HEMK2: variants seen among roughly 807,000 people sequenced by gnomAD.
HEMK2 encodes the protein HemK methyltransferase 2, ETF1 glutamine and histone H4 lysine, also known as methyltransferase HEMK2.
At chr21:28,621,675 A>C in the HEMK2 span, among the ~76,000 whole-genome samples, 4 of 152,326 alleles carry the variant, frequency 2.6e-5, no homozygotes, top group Admixed American at 6.5e-5. Context: ...CACAAAGTAC[A>C]TTCTCAAGGG....
At chr21:28,882,069 C>A in the HEMK2 span, 2 of 974,562 alleles carry the variant, frequency 2.1e-6, no homozygotes, top group South Asian at 1.7e-5. Context: ...CTTAGTGGGT[C>A]AAAAGTTAAT....
chr21:28,779,000 G>A, the HEMK2 span, among the ~76,000 whole-genome samples: 1 of 152,102 alleles, frequency 6.6e-6, no homozygotes, highest in African/African-American at 2.4e-5. Context: ...TCAACCCAAA[G>A]GGAAGCCATA....
the HEMK2 span, among the ~76,000 whole-genome samples, chr21:28,665,546 T>C: frequency 6.6e-6 from 1 of 151,812 alleles, no homozygotes; most frequent in Non-Finnish European, 1.5e-5. Context: ...CATGTATACA[T>C]ATGTAACTAA....
At chr21:28,722,163 C>T in the HEMK2 span, among the ~76,000 whole-genome samples, 1 of 149,718 alleles carries the variant, frequency 6.7e-6, no homozygotes, top group Non-Finnish European at 1.5e-5. Context: ...TATAGAAACG[C>T]AGGTCAAAAG....
the HEMK2 span, among the ~76,000 whole-genome samples, chr21:28,594,606 T>G: frequency 6.6e-6 from 1 of 152,240 alleles, no homozygotes; most frequent in African/African-American, 2.4e-5. Flanking sequence ...TATTATCTAC[T>G]TCCCCAACAG....
chr21:28,880,949 A>AAAAG, the HEMK2 span, among the ~76,000 whole-genome samples: 3 of 139,690 alleles, frequency 2.1e-5, no homozygotes, highest in Non-Finnish European at 3.2e-5. Context: ...AAAAAAAAAA[A>AAAAG]AAACCGGAAA....
At chr21:28,679,673 A>C in the HEMK2 span, among the ~76,000 whole-genome samples, 2 of 152,356 alleles carry the variant, frequency 1.3e-5, no homozygotes, top group African/African-American at 4.8e-5. Context: ...CAGCAAATGT[A>C]AAAGAACAGA....
At chr21:28,680,650 C>A in the HEMK2 span, among the ~76,000 whole-genome samples, 2 of 152,254 alleles carry the variant, frequency 1.3e-5, no homozygotes, top group East Asian at 3.9e-4. Flanking sequence ...CAAAAATCCT[C>A]AATAAAATAC....
At chr21:28,649,261 C>T in the HEMK2 span, among the ~76,000 whole-genome samples, 1 of 152,068 alleles carries the variant, frequency 6.6e-6, no homozygotes, top group African/African-American at 2.4e-5. Flanking sequence ...AGAGGAAGCT[C>T]ATAAGTAGAA....
the HEMK2 span, among the ~76,000 whole-genome samples, chr21:28,576,576 A>C: frequency 6.6e-6 from 1 of 152,092 alleles, no homozygotes; most frequent in Non-Finnish European, 1.5e-5. Flanking sequence ...CATTTTTATA[A>C]AATTCAATTT....
At chr21:28,740,989 T>C in the HEMK2 span, among the ~76,000 whole-genome samples, 1 of 152,204 alleles carries the variant, frequency 6.6e-6, no homozygotes, top group East Asian at 1.9e-4. Flanking sequence ...CTAATACAAT[T>C]ACTACTATAA....
At chr21:28,661,079 C>T in the HEMK2 span, among the ~76,000 whole-genome samples, 1 of 151,994 alleles carries the variant, frequency 6.6e-6, no homozygotes, top group African/African-American at 2.4e-5. Flanking sequence ...TATTTACTGA[C>T]ATTATTTGTG....
chr21:28,869,924 A>G, the HEMK2 span, among the ~76,000 whole-genome samples: 1 of 152,180 alleles, frequency 6.6e-6, no homozygotes, highest in African/African-American at 2.4e-5. Context: ...TCTCTGGCCA[A>G]CTTCAGAACT....
the HEMK2 span, among the ~76,000 whole-genome samples, chr21:28,739,118 T>C: frequency 1.3e-5 from 2 of 152,220 alleles, no homozygotes; most frequent in Non-Finnish European, 2.9e-5. Flanking sequence ...AGATACCCTT[T>C]TGAGAAATTC....
chr21:28,841,658 G>T, the HEMK2 span, among the ~76,000 whole-genome samples: 2 of 150,114 alleles, frequency 1.3e-5, no homozygotes, highest in African/African-American at 2.5e-5. Context: ...GGACTTTAGG[G>T]AGTTGCGGGG....
chr21:28,673,360 T>C, the HEMK2 span, among the ~76,000 whole-genome samples: 3 of 152,166 alleles, frequency 2.0e-5, no homozygotes, highest in Non-Finnish European at 4.4e-5. Flanking sequence ...GAAAAGAAAT[T>C]TGTCTGACAC....
chr21:28,741,338 G>A, the HEMK2 span, among the ~76,000 whole-genome samples: 2 of 152,206 alleles, frequency 1.3e-5, no homozygotes, highest in African/African-American at 2.4e-5. Context: ...AGGCAGGAGA[G>A]AGAAAATGTG....
the HEMK2 span, among the ~76,000 whole-genome samples, chr21:28,769,887 C>T: frequency 6.6e-6 from 1 of 152,118 alleles, no homozygotes; most frequent in Non-Finnish European, 1.5e-5. Flanking sequence ...ATAGTTTGTA[C>T]TGACTCAATT....
the HEMK2 span, among the ~76,000 whole-genome samples, chr21:28,671,937 G>A: frequency 4.3e-3 from 652 of 152,108 alleles, 3 homozygotes; most frequent in African/African-American, 0.014. Flanking sequence ...CATTTCGCTG[G>A]AAAACAGAAA....
Sources: gnomAD v4.1 joint callset for allele counts (sites outside exome capture counted in the v4.1 genomes callset) on GRCh38, gnomAD v4.1.1 for gene constraint, MANE v1.5 for transcripts, NCBI Gene and HGNC (gene_info 2026-07-23, HGNC 2026-07-21) for gene names.